Variants in HMCN2 observed in about 807,000 individuals in gnomAD.
The protein encoded by HMCN2 is hemicentin-2.
In HMCN2, 325 loss-of-function variants were observed where a neutral mutation model predicts 377.5. The ratio of observed to expected loss-of-function variants is 0.86; its 90% CI spans 0.79 to 0.94. HMCN2 has a LOEUF of 0.94. Ranked by LOEUF, HMCN2 falls within the 40% of genes least tolerant of loss-of-function variation. HMCN2 has a pLI of 0.00. For synonymous variants in HMCN2, 2,007 were observed against 2,046.8 expected (o/e 0.98, Z 0.53); for missense variants, 4,543 against 4,725.3 (o/e 0.96, Z 1.13).
intron 77 of HMCN2, among the ~76,000 whole-genome samples, chr9:130,402,427 G>A (rs1842896146): frequency 6.6e-6 from 1 of 152,248 alleles, no homozygotes; most frequent in South Asian, 2.1e-4. Context: ...TTTTAGCAGA[G>A]CAAGGTGAGA....
Position 130,394,316 on chromosome 9 carries a change from T to C in HMCN2, c.10502-69T>C. On this transcript the variant is annotated intron_variant, in intron 68 of 97. Transcript: ENST00000683500. The surrounding 1 kb of genome is among the most constrained non-coding windows in gnomAD (Gnocchi z 5.1). ...AGCAGAGCCCCTGGACTCAGCACAG[T>C]GTTTTCAAGTGCGGTGCTGTCCCGG... The C allele has an allele frequency of 5.9e-6, 6 of 1,017,194 alleles. No individual in the cohort carries two copies. The highest frequency in any genetic ancestry group is 8.0e-6 in the Non-Finnish European group (6 of 752,136). The allele number at this position is 1,017,194 out of a possible 1,614,324, so 63.0% of individuals were successfully genotyped here. A position where few individuals can be genotyped will look rare whatever the true frequency, so the allele number is the denominator to read the frequency against.
intron 1 of HMCN2, among the ~76,000 whole-genome samples, chr9:130,274,653 C>T (rs1472873479): frequency 1.3e-5 from 2 of 152,190 alleles, no homozygotes; most frequent in African/African-American, 4.8e-5. Flanking sequence ...ACACTTTTAA[C>T]ACTCTGGTGT....
chr9:130,319,531 C>T lies in HMCN2; in HGVS notation c.2387C>T (p.Thr796Ile), dbSNP rs915170393. The change falls in exon 16 of 98, where the codon ACT (threonine) becomes ATT (isoleucine). Residue 796 changes from threonine to isoleucine, a missense_variant. Physicochemically the swap from Thr to Ile is moderately conservative, Grantham distance 89. Coordinates refer to ENST00000683500, the MANE Select transcript of HMCN2 (RefSeq NM_001291815.2). ...PQLTELPRDV[T>I]VELGRSALLA... ...CTGACGGAGCTGCCCCGGGATGTCA[C>T]TGTGGAACTGGGGAGGAGTGCCCTC... 5.3e-5 allele frequency: 8 copies of T among 152,252 alleles called. No individual in the cohort carries two copies. The highest frequency in any genetic ancestry group is 1.7e-4 in the African/African-American group (7 of 41,442). The allele number at this position is 152,252 out of a possible 1,614,324, so 9.4% of individuals were successfully genotyped here.
intron 44 of HMCN2, 42 bp downstream of exon 44, chr9:130,368,479 G>A (rs1247585877): frequency 2.1e-6 from 2 of 975,176 alleles, no homozygotes; most frequent in Non-Finnish European, 2.4e-6. Context: ...TGGGATCATG[G>A]ACTGGCTGGG....
Position 130,418,864 on chromosome 9 carries a change from C to A in HMCN2, c.13054C>A (p.Pro4352Thr). ...GTGCCAGGCCACTGGAGAGCCCACA[C>A]CCACCATTGAATGGCTACAGGCGGG... ...LRCQATGEPT[P>T]TIEWLQAGQP... is the part of the protein sequence containing the mutation. Residue 4352 changes from proline to threonine, a missense_variant, in exon 86 of 98, where the codon CCC becomes ACC. Physicochemically the swap from Pro to Thr is conservative, Grantham distance 38 (BLOSUM62 -1). This residue lies in a region of HMCN2 where 1,155 missense variants were observed against 1,157.7 expected (regional missense o/e 1.00). Coordinates refer to ENST00000683500, the MANE Select transcript of HMCN2 (RefSeq NM_001291815.2). 6.5e-7 allele frequency: 1 copy of A among 1,549,552 alleles called. No homozygotes were observed. Among genetic ancestry groups the A allele is most frequent in the Non-Finnish European group, 8.7e-7 (1 of 1,146,302 alleles).
At chr9:130,278,419 C>A (rs1258367924) in intron 1 of HMCN2, among the ~76,000 whole-genome samples, 2 of 152,012 alleles carry the variant, frequency 1.3e-5, no homozygotes, top group Non-Finnish European at 1.5e-5. Context: ...CCACCGCGCC[C>A]GGCCGCCATC....
intron 31 of HMCN2, 60 bp downstream of exon 31, chr9:130,353,265 G>C: frequency 4.0e-6 from 5 of 1,263,940 alleles, no homozygotes; most frequent in South Asian, 1.3e-5. Flanking sequence ...AGCCATGGTG[G>C]CCCCTGCCTG....
Position 130,359,314 on chromosome 9 carries a change from C to T in HMCN2, c.5678-5C>T, listed in dbSNP as rs747117412. On this transcript the variant is annotated splice_polypyrimidine_tract_variant and splice_region_variant and intron_variant, in intron 36 of 97. Coordinates refer to ENST00000683500, the MANE Select transcript of HMCN2 (RefSeq NM_001291815.2). ...CAAGCTGGGTCTCTCCTTGTCTCCC[C>T]CTAGTGCCCCCCAACATCGAGCCAG... 7.7e-7 allele frequency: 1 copy of T among 1,300,772 alleles called. No homozygotes were observed. 80.6% of individuals were successfully genotyped at this position (1,300,772 alleles called of 1,614,324 possible).
At chr9:130,322,417 A>G (rs1837907997) in intron 19 of HMCN2, among the ~76,000 whole-genome samples, 2 of 152,158 alleles carry the variant, frequency 1.3e-5, no homozygotes, top group African/African-American at 4.8e-5. Flanking sequence ...TTACAAACCT[A>G]TTTAAAAACC....
chr9:130,307,779 G>A (rs185657276), intron 14 of HMCN2, among the ~76,000 whole-genome samples: 4 of 152,240 alleles, frequency 2.6e-5, no homozygotes, highest in East Asian at 1.9e-4. Context: ...GGTATTCAGA[G>A]CAGCACTGAG....
chr9:130,285,030 A>T, intron 2 of HMCN2, 128 bp from the exon 3 acceptor site: 1 of 380,934 alleles, frequency 2.6e-6, no homozygotes, highest in East Asian at 7.4e-5. Flanking sequence ...CCGGGAAGAA[A>T]GTGACTGGGT....
intron 1 of HMCN2, among the ~76,000 whole-genome samples, chr9:130,275,404 T>C (rs1208101290): frequency 1.3e-5 from 2 of 152,208 alleles, no homozygotes; most frequent in Non-Finnish European, 2.9e-5. Context: ...GTTGTGTGTG[T>C]GTACCTGTGA....
chr9:130,401,800 G>A (rs945579394), intron 77 of HMCN2, among the ~76,000 whole-genome samples: 9 of 152,092 alleles, frequency 5.9e-5, no homozygotes, highest in Admixed American at 3.3e-4. Flanking sequence ...CAGGCCAGGC[G>A]CAGGGACTCA....
Position 130,290,864 on chromosome 9 carries a change from A to G in HMCN2, c.613-3991A>G, listed in dbSNP as rs1335739648. Among the ~76,000 whole-genome samples the G allele has an allele frequency of 1.0e-3, 11 of 10,592 alleles. No homozygotes were observed. The African/African-American group carries it at 0.015, about 15-fold the overall frequency. The allele number at this position is 10,592 out of a possible 152,430, so 6.9% of individuals were successfully genotyped here. On this transcript the variant is annotated intron_variant, in intron 4 of 97. Coordinates refer to ENST00000683500, the MANE Select transcript of HMCN2 (RefSeq NM_001291815.2). ...GCACATATCTTCTAGCTCAGTCTGAAAAAAAAAAAAAAAAAACAAAAACCC... is the reference window on the plus strand; with the variant it reads ...GCACATATCTTCTAGCTCAGTCTGAGAAAAAAAAAAAAAAAACAAAAACCC...
chr9:130,311,549 G>A (rs1837241977), intron 15 of HMCN2, among the ~76,000 whole-genome samples: 1 of 152,176 alleles, frequency 6.6e-6, no homozygotes, highest in Non-Finnish European at 1.5e-5. Flanking sequence ...GAATGAGCAT[G>A]CACAGGGCAC....
intron 7 of HMCN2, among the ~76,000 whole-genome samples, chr9:130,297,496 A>G (rs1293740976): frequency 1.3e-5 from 2 of 152,200 alleles, no homozygotes; most frequent in African/African-American, 4.8e-5. Flanking sequence ...GTCTCAATTT[A>G]TAGTTGGGAA....
chr9:130,375,741 C>T lies in HMCN2; in HGVS notation c.7804+5C>T, dbSNP rs67429863. On this transcript the variant is annotated splice_donor_5th_base_variant and intron_variant, in intron 50 of 97. Coordinates refer to ENST00000683500, the MANE Select transcript of HMCN2 (RefSeq NM_001291815.2). ...GGAACATCCAGCTGCTCCCAGGTGA[C>T]GCCCTCTGGGGGGAAAGGAGGGAGG... 420,776 of 985,020 alleles carry T rather than the reference C, an allele frequency of 0.43. 92,420 individuals carry two copies. The highest frequency in any genetic ancestry group is 0.86 in the East Asian group (7,554 of 8,784). The allele number at this position is 985,020 out of a possible 1,614,324, so 61.0% of individuals were successfully genotyped here. A position where few individuals can be genotyped will look rare whatever the true frequency, so the allele number is the denominator to read the frequency against.
chr9:130,384,326 T>G (rs1166756800), intron 57 of HMCN2, 47 bp from the exon 58 acceptor site: 1 of 1,257,956 alleles, frequency 7.9e-7, no homozygotes, highest in East Asian at 5.7e-5. Context: ...GCTCCCCTGC[T>G]GGTGTGATTC....
At chr9:130,387,131 A>C (rs1842065594) in intron 61 of HMCN2, among the ~76,000 whole-genome samples, 1 of 152,214 alleles carries the variant, frequency 6.6e-6, no homozygotes, top group Admixed American at 6.5e-5. Flanking sequence ...CCATCCACCC[A>C]AGGATGGAGC....
Sources: allele counts gnomAD v4.1 joint callset (sites outside exome capture counted in the v4.1 genomes callset), GRCh38; gene constraint gnomAD v4.1.1; regional missense constraint gnomAD v4.1.1; non-coding constraint Gnocchi (gnomAD v3.1); transcripts MANE v1.5; gene names NCBI Gene and HGNC (gene_info 2026-07-23, HGNC 2026-07-21).